The following PTPRD variants were observed in gnomAD, a reference collection of about 807,000 sequenced individuals.
PTPRD encodes protein tyrosine phosphatase receptor type D, also known as receptor-type tyrosine-protein phosphatase delta.
A neutral mutation model predicts 214.5 loss-of-function variants in PTPRD; 34 were observed. The observed-to-expected ratio is 0.16, with a 90% CI of 0.12 to 0.21. The LOEUF is 0.21. Among genes scored for constraint, PTPRD ranks in the 10% least tolerant of loss-of-function variants. PTPRD has a pLI of 1.00. For synonymous variants in PTPRD, 1,128 were observed against 845.7 expected, an observed-to-expected ratio of 1.33 and a Z score of -5.79; for missense variants, 2,545 against 2,398.7, an observed-to-expected ratio of 1.06 and a Z score of -1.27.
At chr9:9,506,720 C>A (rs1178106904) in intron 8 of PTPRD, among the ~76,000 whole-genome samples, 1 of 151,252 alleles carries the variant, frequency 6.6e-6, no homozygotes, top group Non-Finnish European at 1.5e-5. Flanking sequence ...AGTGGAAAAG[C>A]ACATTAAGAA....
intron 7 of PTPRD, among the ~76,000 whole-genome samples, chr9:9,688,603 G>C (rs1595267107): frequency 1.3e-5 from 2 of 152,016 alleles, no homozygotes; most frequent in East Asian, 1.9e-4. Context: ...AAGTTTGCGT[G>C]AGTGATGAGG....
intron 11 of PTPRD, among the ~76,000 whole-genome samples, chr9:8,945,098 C>T (rs10759022): frequency 0.6 from 90,776 of 151,706 alleles, 27,709 homozygotes; most frequent in East Asian, 0.85. Context: ...AAGAAAACCA[C>T]AGCAATCTAA....
At chr9:9,830,909 A>G (rs1475658574) in intron 5 of PTPRD, among the ~76,000 whole-genome samples, 1 of 151,884 alleles carries the variant, frequency 6.6e-6, no homozygotes, top group Non-Finnish European at 1.5e-5. Context: ...AAATTGTCCA[A>G]CGTAAAATGT....
chr9:10,188,901 G>T (rs1310263541), intron 3 of PTPRD, among the ~76,000 whole-genome samples: 1 of 152,132 alleles, frequency 6.6e-6, no homozygotes. Flanking sequence ...GTATGATTCT[G>T]GGGGTTGGGA....
chr9:8,903,642 TA>T (rs771948967), intron 11 of PTPRD, among the ~76,000 whole-genome samples: 9 of 152,144 alleles, frequency 5.9e-5, no homozygotes, highest in Non-Finnish European at 1.0e-4. Context: ...TAAAAACGAA[TA>T]AAAATATTTC....
At chr9:9,106,833 G>T (rs2099799340) in intron 10 of PTPRD, among the ~76,000 whole-genome samples, 1 of 151,892 alleles carries the variant, frequency 6.6e-6, no homozygotes, top group Admixed American at 6.6e-5. Flanking sequence ...GAATTGTTTT[G>T]TTCTATCTCT....
chr9:9,529,440 A>T (rs75854170), intron 8 of PTPRD, among the ~76,000 whole-genome samples: 1,959 of 152,244 alleles, frequency 0.013, 39 homozygotes, highest in African/African-American at 0.044. Flanking sequence ...CTCAATGTAA[A>T]CCCAAGAAAC....
intron 11 of PTPRD, among the ~76,000 whole-genome samples, chr9:8,836,212 T>C (rs1040783210): frequency 6.6e-6 from 1 of 152,132 alleles, no homozygotes; most frequent in Non-Finnish European, 1.5e-5. Context: ...ACCTTGAAAC[T>C]TGTGAATTAA....
At position 8,712,230 on chromosome 9, in the gene PTPRD, G is replaced by C. The variant is rs181460147; in HGVS notation, c.64+21550C>G. Among the ~76,000 whole-genome samples the C allele has an allele frequency of 3.8e-3, 573 of 152,200 alleles. 2 individuals carry two copies. The highest frequency in any genetic ancestry group is 0.027 in the Middle Eastern group (8 of 294). The stretch of plus-strand genomic sequence containing the variant: ...GGATGGAGCTGTCCTTAGTAATTTT[G>C]GTAAACAGTCTTTTGGCTGGATATT... On this transcript the variant is annotated intron_variant, in intron 12 of 45. Transcript: ENST00000381196.
At chr9:10,475,793 T>C (rs2099058814) in intron 2 of PTPRD, among the ~76,000 whole-genome samples, 1 of 151,976 alleles carries the variant, frequency 6.6e-6, no homozygotes. Flanking sequence ...ATCAAGTCGG[T>C]TTCATCCCCA....
At chr9:9,170,833 A>C (rs1017700090) in intron 10 of PTPRD, among the ~76,000 whole-genome samples, 4 of 152,314 alleles carry the variant, frequency 2.6e-5, no homozygotes, top group African/African-American at 9.6e-5. Context: ...ACAGTCTTAA[A>C]ACAATTGACT....
intron 5 of PTPRD, among the ~76,000 whole-genome samples, chr9:9,815,361 A>G (rs1207206436): frequency 1.3e-5 from 2 of 152,200 alleles, no homozygotes; most frequent in Non-Finnish European, 2.9e-5. Flanking sequence ...GTACACAAAC[A>G]TTAAATCAAA....
At chr9:10,058,130 T>A (rs2097693296) in intron 3 of PTPRD, among the ~76,000 whole-genome samples, 1 of 152,114 alleles carries the variant, frequency 6.6e-6, no homozygotes, top group South Asian at 2.1e-4. Context: ...CTTTCTCTCC[T>A]GTGAAGGTAT....
intron 14 of PTPRD, among the ~76,000 whole-genome samples, chr9:8,559,619 C>T (rs955047667): frequency 2.0e-5 from 3 of 152,192 alleles, no homozygotes; most frequent in Non-Finnish European, 4.4e-5. Flanking sequence ...TCCTTTTCTG[C>T]ACACAGAACC....
chr9:9,129,894 GT>G (rs1221858936), intron 10 of PTPRD, among the ~76,000 whole-genome samples: 2 of 152,094 alleles, frequency 1.3e-5, no homozygotes, highest in South Asian at 2.1e-4. Flanking sequence ...CCACTTACCA[GT>G]TTTTTTATTC....
At chr9:9,468,160 T>G (rs1050809805) in intron 8 of PTPRD, among the ~76,000 whole-genome samples, 10 of 152,112 alleles carry the variant, frequency 6.6e-5, no homozygotes, top group Admixed American at 1.3e-4. Context: ...TTTCCTTCTT[T>G]CTGTGTAGGT....
At chr9:9,970,691 C>T (rs887953035) in intron 4 of PTPRD, among the ~76,000 whole-genome samples, 3 of 152,068 alleles carry the variant, frequency 2.0e-5, no homozygotes, top group Admixed American at 1.3e-4. Context: ...CACCAGGAGT[C>T]GTCCCGCTGG....
chr9:9,305,277 A>G (rs2135130585), intron 9 of PTPRD, among the ~76,000 whole-genome samples: 1 of 152,092 alleles, frequency 6.6e-6, no homozygotes, highest in East Asian at 1.9e-4. Context: ...GTTCTTTAAC[A>G]GTAATCTTGG....
intron 11 of PTPRD, among the ~76,000 whole-genome samples, chr9:8,881,308 G>C (rs978415369): frequency 2.6e-5 from 4 of 152,050 alleles, no homozygotes; most frequent in African/African-American, 9.7e-5. Flanking sequence ...ATAACCAATA[G>C]GAAAACTTAG....
Sources: allele counts gnomAD v4.1 joint callset (sites outside exome capture counted in the v4.1 genomes callset), GRCh38; gene constraint gnomAD v4.1.1; transcripts MANE v1.5; gene names NCBI Gene and HGNC (gene_info 2026-07-23, HGNC 2026-07-21).